NEBL: variants seen among roughly 807,000 people sequenced by gnomAD.
The protein encoded by NEBL is LIM and SH3 protein 2.
Under a neutral mutation model 140.2 loss-of-function variants are expected in NEBL, and 122 were observed. That is an observed-to-expected ratio of 0.87 (90% CI 0.75 to 1.01). The LOEUF is 1.01. Among genes scored for constraint, NEBL ranks in the 50% least tolerant of loss-of-function variants. The probability of loss-of-function intolerance (pLI) is 0.00; values close to 1 mark genes in which losing one functional copy is unlikely to be tolerated. For synonymous variants in NEBL, 436 were observed against 398.9 expected (o/e 1.09, Z -1.11); for missense variants, 1,365 against 1,231.3 (o/e 1.11, Z -1.62).
At chr10:21,212,217 T>C (rs1841929400) in intron 3 of NEBL, among the ~76,000 whole-genome samples, 1 of 151,744 alleles carries the variant, frequency 6.6e-6, no homozygotes. Context: ...AGAAAGATAA[T>C]ACAAATATAT....
At chr10:20,954,629 G>A (rs10828162) in intron 4 of NEBL, among the ~76,000 whole-genome samples, 66,550 of 152,074 alleles carry the variant, frequency 0.44, 17,126 homozygotes, top group African/African-American at 0.72. Context: ...TCCCTGCAAG[G>A]CCAGAGTCCC....
chr10:21,165,348 C>G (rs1840716814), intron 2 of NEBL, among the ~76,000 whole-genome samples: 2 of 152,206 alleles, frequency 1.3e-5, no homozygotes, highest in Admixed American at 1.3e-4. Flanking sequence ...ACTATCCCAA[C>G]AGCAGGATAC....
At chr10:21,233,603 T>C (rs987782288) in intron 3 of NEBL, among the ~76,000 whole-genome samples, 1 of 146,092 alleles carries the variant, frequency 6.8e-6, no homozygotes, top group Non-Finnish European at 1.5e-5. Flanking sequence ...TATGTATCTA[T>C]ATATACATAT....
intron 4 of NEBL, among the ~76,000 whole-genome samples, chr10:20,913,962 G>A (rs575817743): frequency 6.6e-6 from 1 of 152,140 alleles, no homozygotes; most frequent in Non-Finnish European, 1.5e-5. Flanking sequence ...TTGAAAACAG[G>A]ATAGACTCAT....
intron 3 of NEBL, among the ~76,000 whole-genome samples, chr10:20,999,162 GAAA>G (rs1221089029): frequency 7.3e-6 from 1 of 136,142 alleles, no homozygotes; most frequent in Admixed American, 7.5e-5. Flanking sequence ...TGTGTGGGGG[GAAA>G]AAAAAAAAAA....
At chr10:21,027,751 ACT>A (rs998797674) in intron 2 of NEBL, among the ~76,000 whole-genome samples, 6 of 152,058 alleles carry the variant, frequency 3.9e-5, no homozygotes, top group African/African-American at 9.7e-5. Flanking sequence ...CATCTTTCAC[ACT>A]CTGATTTTAA....
intron 1 of NEBL, among the ~76,000 whole-genome samples, chr10:21,272,345 G>A (rs2132290548): frequency 6.6e-6 from 1 of 152,144 alleles, no homozygotes; most frequent in East Asian, 1.9e-4. Context: ...AGCACTTTGG[G>A]AGGCCAAGAT....
chr10:20,817,310 T>G (rs939351477), intron 21 of NEBL, among the ~76,000 whole-genome samples: 3 of 152,090 alleles, frequency 2.0e-5, no homozygotes, highest in Non-Finnish European at 2.9e-5. Context: ...AAGGTTGCAG[T>G]GAGTCAAGAT....
At chr10:20,825,283 G>T (rs552943911) in intron 18 of NEBL, among the ~76,000 whole-genome samples, 1 of 152,092 alleles carries the variant, frequency 6.6e-6, no homozygotes, top group Non-Finnish European at 1.5e-5. Flanking sequence ...TAAAGGGAAG[G>T]TGCTCTTTCC....
chr10:21,020,933 G>A (rs1025316969), intron 2 of NEBL, among the ~76,000 whole-genome samples: 3 of 152,020 alleles, frequency 2.0e-5, no homozygotes, highest in Non-Finnish European at 4.4e-5. Context: ...TGACTACTCC[G>A]AAGTCTGAGT....
intron 4 of NEBL, among the ~76,000 whole-genome samples, chr10:20,935,645 T>C (rs1834442481): frequency 6.6e-6 from 1 of 152,212 alleles, no homozygotes; most frequent in Non-Finnish European, 1.5e-5. Flanking sequence ...TAAATTAAAA[T>C]ACAGAATTTC....
rs138882665 is a variant in NEBL, at chr10:20,851,117, A to C, written c.1009-615T>G. Among the ~76,000 whole-genome samples the C allele has an allele frequency of 1.4e-4, 21 of 152,348 alleles. No homozygotes were observed. The East Asian group carries it at 4.0e-3, about 29-fold the overall frequency. On this transcript the variant is annotated intron_variant, in intron 10 of 27. Transcript: ENST00000377122. ...TCATCTTACTTCGGTTTATAAAATG[A>C]GTGATATTTTTTATCTTCCAATAAC...
intron 2 of NEBL, among the ~76,000 whole-genome samples, chr10:21,138,364 C>T (rs1434021954): frequency 6.6e-6 from 1 of 152,124 alleles, no homozygotes; most frequent in East Asian, 1.9e-4. Context: ...GAAGGTACAA[C>T]TGAGGGGCTC....
chr10:21,266,506 A>G (rs1396647318), intron 1 of NEBL, among the ~76,000 whole-genome samples: 3 of 152,200 alleles, frequency 2.0e-5, no homozygotes, highest in Non-Finnish European at 2.9e-5. Flanking sequence ...CGAATACTCA[A>G]TGGAAGATGC....
chr10:21,071,393 A>G (rs1001964474), intron 2 of NEBL, among the ~76,000 whole-genome samples: 3 of 151,904 alleles, frequency 2.0e-5, no homozygotes, highest in African/African-American at 7.3e-5. Context: ...TCCTCGAGTG[A>G]GTTGTTTTTC....
rs144535136 is a variant in NEBL at position 21,144,014 on chromosome 10, G to A, written c.164+28369C>T. Among the ~76,000 whole-genome samples, 966 of 152,288 alleles carry A rather than the reference G, an allele frequency of 6.3e-3. 12 individuals are homozygous for A. The highest frequency in any genetic ancestry group is 0.022 in the African/African-American group (919 of 41,566). Reference sequence around the variant, plus strand: ...AAGATACCACTGAAAACTCCAACAAGGAGAGAAGGATTTTTGCTTCAAGTA... The same window carrying A: ...AAGATACCACTGAAAACTCCAACAAAGAGAGAAGGATTTTTGCTTCAAGTA... On this transcript the variant is annotated intron_variant, in intron 2 of 6. Coordinates refer to the NEBL transcript ENST00000417816.
At chr10:20,825,999 T>C (rs1167490979) in intron 18 of NEBL, among the ~76,000 whole-genome samples, 1 of 152,168 alleles carries the variant, frequency 6.6e-6, no homozygotes, top group Admixed American at 6.5e-5. Flanking sequence ...CTGACATCGG[T>C]TAAAAATGAA....
At position 21,090,519 on chromosome 10, in the gene NEBL, T is replaced by A. The variant is rs145640331; in HGVS notation, c.165-70318A>T. ...CCATTTTATGTCAGGGACTTGATGT[T>A]CTGGAACCTACCCCCACAGATATTG... is the stretch of plus-strand genomic sequence containing the variant. On this transcript the variant is annotated intron_variant, in intron 2 of 6. Transcript: ENST00000417816. Among the ~76,000 whole-genome samples, 92 of 152,350 alleles carry A rather than the reference T, an allele frequency of 6.0e-4. 1 individual carries two copies. Among genetic ancestry groups the A allele is most frequent in the African/African-American group, 2.2e-3 (91 of 41,578 alleles).
chr10:21,233,675 T>G lies in NEBL; in HGVS notation n.348+14246A>C, dbSNP rs145060310. ...ATACATATATAGATATATATCTATATATGTATATCTAGATATAGAGACATA... is the reference window on the plus strand; with the variant it reads ...ATACATATATAGATATATATCTATAGATGTATATCTAGATATAGAGACATA... On this transcript the variant is annotated intron_variant and non_coding_transcript_variant, in intron 3 of 8. Transcript: ENST00000675702. Among the ~76,000 whole-genome samples, 3 of 144,854 alleles carry G rather than the reference T, an allele frequency of 2.1e-5. No homozygotes were observed. In the Admixed American group the frequency reaches 2.1e-4, roughly 10 times the overall value.
Sources: allele counts gnomAD v4.1 joint callset (sites outside exome capture counted in the v4.1 genomes callset), GRCh38; gene constraint gnomAD v4.1.1; transcripts MANE v1.5; gene names NCBI Gene and HGNC (gene_info 2026-07-23, HGNC 2026-07-21).